The following SMU1 variants were observed in gnomAD, a reference collection of about 807,000 sequenced individuals.
The protein encoded by SMU1 is WD40 repeat-containing protein SMU1.
In SMU1, 2 loss-of-function variants were observed where a neutral mutation model predicts 62.0. That is an observed-to-expected ratio of 0.03 (90% CI 0.01 to 0.10). The LOEUF (loss-of-function observed/expected upper bound fraction) is 0.10. Ranked by LOEUF, SMU1 falls within the 10% of genes least tolerant of loss-of-function variation. The pLI is 1.00. For missense variants in SMU1, 227 were observed against 622.1 expected (o/e 0.36, Z 6.76); for synonymous variants, 188 against 212.4 (o/e 0.89, Z 1.00).
chr9:33,052,310 T>C lies in SMU1; in HGVS notation c.1290+813A>G, dbSNP rs140383472. 4.9e-3 allele frequency among the ~76,000 whole-genome samples: 744 copies of C among 151,116 alleles called. 8 individuals are homozygous for C. The highest frequency in any genetic ancestry group is 0.017 in the African/African-American group (720 of 41,462). Reference sequence around the variant, plus strand: ...CTCTTCTGTACTATTTTTGCAACTCTATGTGAATCTAAAATTATTTTTTCA... The same window carrying C: ...CTCTTCTGTACTATTTTTGCAACTCCATGTGAATCTAAAATTATTTTTTCA... On this transcript the variant is annotated intron_variant, in intron 10 of 11. Coordinates refer to ENST00000397149, the MANE Select transcript of SMU1 (RefSeq NM_018225.3).
chr9:33,058,637 G>C (rs1200595825), intron 6 of SMU1, among the ~76,000 whole-genome samples: 1 of 151,994 alleles, frequency 6.6e-6, no homozygotes, highest in Non-Finnish European at 1.5e-5. Flanking sequence ...TTTTAAATCA[G>C]TGGATAAAAG....
intron 3 of SMU1, 78 bp downstream of exon 3, chr9:33,071,662 G>T: frequency 1.7e-6 from 2 of 1,162,990 alleles, no homozygotes; most frequent in Non-Finnish European, 1.2e-6. Context: ...CAATAAAATG[G>T]TAAAAAAAAA....
intron 2 of SMU1, among the ~76,000 whole-genome samples, chr9:33,072,999 A>C (rs1007416290): frequency 2.6e-5 from 4 of 152,170 alleles, no homozygotes; most frequent in Non-Finnish European, 4.4e-5. Flanking sequence ...GAATTTGACC[A>C]GTGATAGGGG....
chr9:33,047,211 G>C lies in SMU1; in HGVS notation c.*82C>G. ...ACAATCTATTTGCTTAGAAAAGCTG[G>C]CAAAAAAAAAAAAAAGCACATTACA... On this transcript the variant is annotated 3_prime_UTR_variant, in exon 12 of 12. Coordinates refer to ENST00000397149, the MANE Select transcript of SMU1 (RefSeq NM_018225.3). The C allele has an allele frequency of 1.7e-6, 1 of 583,526 alleles. No individual in the cohort carries two copies. The allele number at this position is 583,526 out of a possible 1,614,324, so 36.1% of individuals were successfully genotyped here. A position where few individuals can be genotyped will look rare whatever the true frequency, so the allele number is the denominator to read the frequency against.
chr9:33,055,089 C>A (rs1470096209), intron 9 of SMU1, among the ~76,000 whole-genome samples: 2 of 152,200 alleles, frequency 1.3e-5, no homozygotes, highest in Non-Finnish European at 2.9e-5. Flanking sequence ...GAGCATACAT[C>A]TCCTGCCTTC....
rs1839455850 is a variant in SMU1 at position 33,068,906 on chromosome 9, T to C, written c.419A>G (p.Lys140Arg). 6.2e-7 allele frequency: 1 copy of C among 1,614,092 alleles called. No individual in the cohort carries two copies. Among genetic ancestry groups the C allele is most frequent in the Non-Finnish European group, 8.5e-7 (1 of 1,180,012 alleles). Residue 140 changes from lysine to arginine, a missense_variant, in exon 4 of 12, where the codon AAG (lysine) becomes AGG (arginine). Physicochemically the swap from Lys to Arg is conservative, Grantham distance 26. This residue lies in a region of SMU1 where 99 missense variants were observed against 270.3 expected (regional missense o/e 0.37). Transcript: ENST00000397149. ...GGCCTGGGCAATTGCTGCTCTTCTC[T>C]TTTCTTTGCTACTTCCATCTGGGTA... is the stretch of plus-strand genomic sequence containing the variant. ...EAYPDGSSKEKRRAAIAQALA... is the reference protein window; with the variant it reads ...EAYPDGSSKERRRAAIAQALA...
chr9:33,060,187 AT>A (rs59706602), intron 6 of SMU1, among the ~76,000 whole-genome samples: 19 of 151,758 alleles, frequency 1.3e-4, no homozygotes, highest in African/African-American at 4.4e-4. Context: ...TTAAAAAAAA[AT>A]TTTTTTTGGT....
chr9:33,063,706 G>A (rs769856208), intron 4 of SMU1, among the ~76,000 whole-genome samples: 3 of 151,778 alleles, frequency 2.0e-5, no homozygotes, highest in Non-Finnish European at 4.4e-5. Context: ...CGCATGCGAG[G>A]GATCTAGGAT....
chr9:33,059,413 T>A (rs1451798807), intron 6 of SMU1, among the ~76,000 whole-genome samples: 1 of 151,474 alleles, frequency 6.6e-6, no homozygotes, highest in African/African-American at 2.4e-5. Context: ...TTGAACTTTG[T>A]ATCAGTTGTA....
At chr9:33,055,161 C>CAT (rs143446559) in intron 9 of SMU1, among the ~76,000 whole-genome samples, 10,782 of 151,438 alleles carry the variant, frequency 0.071, 510 homozygotes, top group Non-Finnish European at 0.11. Flanking sequence ...GACATATATA[C>CAT]ATATATATAT....
At position 33,052,877 on chromosome 9, in the gene SMU1, G is replaced by A. The variant is rs114845026; in HGVS notation, c.1290+246C>T. ...CTGAAGGAGGCTTAAAGACAGATAG[G>A]AGCTTCCTTTATCCGAAGGATGAAA... On this transcript the variant is annotated intron_variant, in intron 10 of 11. Transcript: ENST00000397149. Among the ~76,000 whole-genome samples the A allele has an allele frequency of 7.7e-3, 1,173 of 152,308 alleles. 12 individuals are homozygous for A. The highest frequency in any genetic ancestry group is 0.027 in the African/African-American group (1,121 of 41,558).
chr9:33,065,820 T>C (rs187405756), intron 4 of SMU1, among the ~76,000 whole-genome samples: 47 of 152,294 alleles, frequency 3.1e-4, no homozygotes, highest in African/African-American at 1.0e-3. Flanking sequence ...TCTGGAAAGG[T>C]TGAGGTCCTA....
At chr9:33,050,215 C>G (rs1024726007) in intron 10 of SMU1, among the ~76,000 whole-genome samples, 1 of 152,154 alleles carries the variant, frequency 6.6e-6, no homozygotes, top group South Asian at 2.1e-4. Context: ...GAATGGCCAA[C>G]ATCCAGAACA....
chr9:33,056,729 C>A, intron 8 of SMU1, 108 bp downstream of exon 8: 1 of 1,225,566 alleles, frequency 8.2e-7, no homozygotes, highest in Non-Finnish European at 1.1e-6. Context: ...CATATCACAT[C>A]ATCATGGTAA....
chr9:33,060,664 AC>A lies in SMU1; in HGVS notation c.631-81del, dbSNP rs953317310. ...AATTCCTTTTTTAACCTTTTGAGAA[AC>A]CCTGCCCTAGCATAAAGTCATAGCT... On this transcript the variant is annotated intron_variant, in intron 5 of 11. Coordinates refer to ENST00000397149, the MANE Select transcript of SMU1 (RefSeq NM_018225.3). The A allele has an allele frequency of 3.8e-6, 6 of 1,566,664 alleles. No homozygotes were observed. In the African/African-American group the frequency reaches 6.9e-5, roughly 18 times the overall value.
intron 4 of SMU1, among the ~76,000 whole-genome samples, chr9:33,066,060 G>A (rs868611805): frequency 4.6e-5 from 7 of 152,184 alleles, no homozygotes; most frequent in African/African-American, 1.7e-4. Flanking sequence ...CATTTCTGCA[G>A]AGAATGACAA....
intron 9 of SMU1, among the ~76,000 whole-genome samples, chr9:33,053,904 A>C (rs572627710): frequency 6.6e-6 from 1 of 152,320 alleles, no homozygotes; most frequent in South Asian, 2.1e-4. Flanking sequence ...TCCTTAGCCA[A>C]TAGAGCTCTC....
chr9:33,067,175 T>C (rs933393576), intron 4 of SMU1, among the ~76,000 whole-genome samples: 4 of 151,932 alleles, frequency 2.6e-5, no homozygotes, highest in Non-Finnish European at 4.4e-5. Flanking sequence ...ACATTGAATA[T>C]AGATTGAACC....
In SMU1 at chr9:33,053,431, A is replaced by C. The variant is rs952314200; in HGVS notation, c.1123-141T>G. The stretch of plus-strand genomic sequence containing the variant: ...AAGTTTCTTACTTGATTTTAGGTCC[A>C]ATCAAATACCCAGCACTGCCATATA... On this transcript the variant is annotated intron_variant, in intron 9 of 11. Transcript: ENST00000397149. The C allele has an allele frequency of 2.0e-5, 16 of 808,288 alleles. No individual in the cohort carries two copies. The African/African-American group carries it at 2.3e-4, about 11-fold the overall frequency. The allele number at this position is 808,288 out of a possible 1,614,324, so 50.1% of individuals were successfully genotyped here.
Sources: gnomAD v4.1 joint callset for allele counts (sites outside exome capture counted in the v4.1 genomes callset) on GRCh38, gnomAD v4.1.1 for gene constraint, gnomAD v4.1.1 regional missense constraint, MANE v1.5 for transcripts, NCBI Gene and HGNC (gene_info 2026-07-23, HGNC 2026-07-21) for gene names.